The following CNGB3 variants were observed in gnomAD, a reference collection of about 807,000 sequenced individuals.
CNGB3 encodes cyclic nucleotide-gated channel beta-3.
A neutral mutation model predicts 92.8 loss-of-function variants in CNGB3; 86 were observed. The ratio of observed to expected loss-of-function variants is 0.93; its 90% CI spans 0.78 to 1.11. The LOEUF is 1.11. Among genes scored for constraint, CNGB3 ranks in the 50% least tolerant of loss-of-function variants. CNGB3 has a pLI of 0.00. For missense variants in CNGB3, 1,026 were observed against 956.8 expected (o/e 1.07, Z -0.95); for synonymous variants, 333 against 332.7 (o/e 1.00, Z -0.01).
At chr8:86,659,188 ACATCGGCTG>A (rs1210859938) in intron 6 of CNGB3, 6 of 714,750 alleles carry the variant, frequency 8.4e-6, no homozygotes, top group African/African-American at 7.0e-5. Flanking sequence ...ACCTGCTCTG[ACATCGGCTG>A]CATCCTCTGC....
intron 3 of CNGB3, among the ~76,000 whole-genome samples, chr8:86,701,751 A>T (rs7814536): frequency 0.054 from 8,206 of 152,258 alleles, 350 homozygotes; most frequent in African/African-American, 0.12. Context: ...AATTCAATAG[A>T]TAACTACTGG....
At chr8:86,604,891 C>T (rs918162433) in intron 14 of CNGB3, among the ~76,000 whole-genome samples, 1 of 152,100 alleles carries the variant, frequency 6.6e-6, no homozygotes, top group African/African-American at 2.4e-5. Flanking sequence ...ATCAGGCTGT[C>T]AACACTATTT....
intron 6 of CNGB3, among the ~76,000 whole-genome samples, chr8:86,663,276 T>C (rs1245616021): frequency 6.6e-6 from 1 of 152,352 alleles, no homozygotes; most frequent in East Asian, 1.9e-4. Flanking sequence ...GGGCTGTGCA[T>C]GTGAGTGTCT....
chr8:86,600,563 C>T lies in CNGB3; in HGVS notation c.1781+3530G>A, dbSNP rs1200881894. ...ATCACCACTTAGTATATAGTGTTTA[C>T]GTAGCTGCTGGTGATATGAAGATGG... On this transcript the variant is annotated intron_variant, in intron 15 of 17. Transcript: ENST00000320005. Among the ~76,000 whole-genome samples, 13 of 151,604 alleles carry T rather than the reference C, an allele frequency of 8.6e-5. No homozygotes were observed. The East Asian group carries it at 1.6e-3, about 18-fold the overall frequency.
chr8:86,655,463 G>A (rs1823486939), intron 6 of CNGB3, among the ~76,000 whole-genome samples: 1 of 152,122 alleles, frequency 6.6e-6, no homozygotes, highest in South Asian at 2.1e-4. Flanking sequence ...GGATGCCTTT[G>A]CCCATGCTGT....
Position 86,587,559 on chromosome 8 carries a change from TA to T in CNGB3, c.1782-8308del, listed in dbSNP as rs1370250581. ...CCAGTTTCAGCTTTCTACATATGGC[TA>T]GCCAGTTTTCCCAGCACCATTTATT... On this transcript the variant is annotated intron_variant, in intron 15 of 17. Coordinates refer to ENST00000320005, the MANE Select transcript of CNGB3 (RefSeq NM_019098.5). Among the ~76,000 whole-genome samples the T allele has an allele frequency of 2.6e-5, 4 of 152,124 alleles. No individual in the cohort carries two copies. The East Asian group carries it at 7.7e-4, about 29-fold the overall frequency.
chr8:86,619,935 G>C (rs1045033491), intron 13 of CNGB3, among the ~76,000 whole-genome samples: 2 of 151,744 alleles, frequency 1.3e-5, no homozygotes, highest in Non-Finnish European at 2.9e-5. Flanking sequence ...TTGCCAGGCT[G>C]GTTTTGAGCT....
intron 15 of CNGB3, among the ~76,000 whole-genome samples, chr8:86,603,656 G>A (rs1822354106): frequency 6.6e-6 from 1 of 152,088 alleles, no homozygotes; most frequent in Non-Finnish European, 1.5e-5. Context: ...AGTAACAGAG[G>A]AAAAAAGCCA....
rs757991533 is a variant in CNGB3 at position 86,609,294 on chromosome 8, C to G, written c.1662+2294G>C. On this transcript the variant is annotated intron_variant, in intron 14 of 17. Coordinates refer to ENST00000320005, the MANE Select transcript of CNGB3 (RefSeq NM_019098.5). ...ATGTTGTGGTGCATTAAAGTCATGTCATTTCAGTACACCACTGCCCCCAAG... is the reference window on the plus strand; with the variant it reads ...ATGTTGTGGTGCATTAAAGTCATGTGATTTCAGTACACCACTGCCCCCAAG... Among the ~76,000 whole-genome samples, 29 of 151,836 alleles carry G rather than the reference C, an allele frequency of 1.9e-4. No individual in the cohort carries two copies. The Middle Eastern group carries it at 0.014, about 71-fold the overall frequency.
intron 2 of CNGB3, among the ~76,000 whole-genome samples, chr8:86,731,710 G>C (rs970156037): frequency 4.6e-5 from 7 of 152,078 alleles, no homozygotes; most frequent in Non-Finnish European, 1.0e-4. Flanking sequence ...TCTCTTTTCT[G>C]TAACAGTTTC....
chr8:86,634,648 A>G (rs1300548552), intron 10 of CNGB3, among the ~76,000 whole-genome samples: 2 of 151,918 alleles, frequency 1.3e-5, no homozygotes. Flanking sequence ...GTGTGTCCCA[A>G]CTAGCTATTT....
At chr8:86,700,871 C>T (rs1824543007) in intron 3 of CNGB3, among the ~76,000 whole-genome samples, 1 of 152,162 alleles carries the variant, frequency 6.6e-6, no homozygotes. Flanking sequence ...AGCTCCTGGC[C>T]TCAAATGATC....
chr8:86,579,436 T>C (rs1563712797), intron 15 of CNGB3, among the ~76,000 whole-genome samples, 184 bp from the exon 16 acceptor site: 1 of 152,214 alleles, frequency 6.6e-6, no homozygotes. Flanking sequence ...CAGTTTTCAA[T>C]ATATTTTTTC....
At chr8:86,676,695 T>G (rs1823975647) in intron 3 of CNGB3, among the ~76,000 whole-genome samples, 1 of 152,188 alleles carries the variant, frequency 6.6e-6, no homozygotes, top group Non-Finnish European at 1.5e-5. Flanking sequence ...TGCCAACATT[T>G]GTGTCCACCT....
intron 15 of CNGB3, among the ~76,000 whole-genome samples, chr8:86,598,783 C>T (rs566767944): frequency 6.6e-6 from 1 of 152,126 alleles, no homozygotes; most frequent in South Asian, 2.1e-4. Context: ...AAAAAGAACC[C>T]TCTTTGTCAT....
chr8:86,675,271 C>T (rs995759195), intron 3 of CNGB3, among the ~76,000 whole-genome samples: 3 of 152,064 alleles, frequency 2.0e-5, no homozygotes, highest in Admixed American at 1.3e-4. Flanking sequence ...TGAGGTTTCA[C>T]CAGGTTGCTC....
intron 3 of CNGB3, among the ~76,000 whole-genome samples, chr8:86,675,527 C>T (rs941007232): frequency 7.9e-5 from 12 of 152,080 alleles, no homozygotes; most frequent in Non-Finnish European, 1.3e-4. Context: ...GCAATCTTCC[C>T]ACCTCAGCCT....
At chr8:86,699,507 CT>C (rs373162409) in intron 3 of CNGB3, among the ~76,000 whole-genome samples, 44 of 152,222 alleles carry the variant, frequency 2.9e-4, no homozygotes, top group African/African-American at 9.9e-4. Flanking sequence ...AAAAAGACTA[CT>C]GAATGTTAAT....
intron 15 of CNGB3, among the ~76,000 whole-genome samples, chr8:86,602,441 T>C (rs1402397202): frequency 6.6e-6 from 1 of 152,192 alleles, no homozygotes; most frequent in Non-Finnish European, 1.5e-5. Context: ...AACACAAAGA[T>C]AACTTCTTAG....
Sources: allele counts gnomAD v4.1 joint callset (sites outside exome capture counted in the v4.1 genomes callset), GRCh38; gene constraint gnomAD v4.1.1; transcripts MANE v1.5; gene names NCBI Gene and HGNC (gene_info 2026-07-23, HGNC 2026-07-21).